RACGAP1: variants seen among roughly 807,000 people sequenced by gnomAD.
RACGAP1 encodes rac GTPase-activating protein 1.
A neutral mutation model predicts 78.1 loss-of-function variants in RACGAP1; 30 were observed. The observed-to-expected ratio is 0.38, with a 90% CI of 0.29 to 0.52. The LOEUF (loss-of-function observed/expected upper bound fraction) is 0.52. Ranked by LOEUF, RACGAP1 falls within the 20% of genes least tolerant of loss-of-function variation. The pLI, the probability that RACGAP1 is intolerant of heterozygous loss-of-function variation, is 0.82. For missense variants in RACGAP1, 587 were observed against 777.1 expected (o/e 0.76, Z 2.91); for synonymous variants, 231 against 264.8 (o/e 0.87, Z 1.24).
chr12:49,996,273 C>T (rs1295588426), intron 10 of RACGAP1, among the ~76,000 whole-genome samples: 1 of 151,724 alleles, frequency 6.6e-6, no homozygotes, highest in African/African-American at 2.4e-5. Context: ...AAAGTTGCAA[C>T]ACTGCAATCC....
chr12:50,009,387 C>G (rs977886663), intron 2 of RACGAP1, among the ~76,000 whole-genome samples: 20 of 151,760 alleles, frequency 1.3e-4, no homozygotes, highest in African/African-American at 4.6e-4. Context: ...TGAGGGTGAT[C>G]TTTGATTTAT....
At chr12:50,011,709 A>T (rs895666698) in intron 2 of RACGAP1, among the ~76,000 whole-genome samples, 1 of 152,066 alleles carries the variant, frequency 6.6e-6, no homozygotes, top group Non-Finnish European at 1.5e-5. Context: ...TAAATCCAGC[A>T]CTTTGGGAGG....
At chr12:50,008,278 A>G (rs1236206020) in intron 2 of RACGAP1, among the ~76,000 whole-genome samples, 1 of 150,994 alleles carries the variant, frequency 6.6e-6, no homozygotes. Context: ...GGCTCACTGC[A>G]ATCTCCGCCT....
chr12:50,011,563 C>T (rs903697369), intron 2 of RACGAP1, among the ~76,000 whole-genome samples: 2 of 151,406 alleles, frequency 1.3e-5, no homozygotes, highest in Non-Finnish European at 2.9e-5. Flanking sequence ...CTTGTCTCTA[C>T]AAAAAATAGA....
intron 1 of RACGAP1, 69 bp downstream of exon 1, chr12:50,025,329 A>C: frequency 1.0e-6 from 1 of 985,580 alleles, no homozygotes; most frequent in East Asian, 1.1e-4. Flanking sequence ...ACGGCTCACC[A>C]CACGAACACT....
chr12:50,016,275 C>T (rs976690199), intron 2 of RACGAP1, among the ~76,000 whole-genome samples: 17 of 151,886 alleles, frequency 1.1e-4, no homozygotes, highest in Non-Finnish European at 2.1e-4. Context: ...CCCTGCTACT[C>T]GAGAGGCTGA....
intron 1 of RACGAP1, among the ~76,000 whole-genome samples, chr12:50,022,842 C>T (rs1950082966): frequency 6.6e-6 from 1 of 152,188 alleles, no homozygotes; most frequent in Non-Finnish European, 1.5e-5. Flanking sequence ...TCACTTACCT[C>T]TGCCTGGAAT....
chr12:49,999,574 A>G, intron 8 of RACGAP1, 42 bp downstream of exon 8: 1 of 1,546,328 alleles, frequency 6.5e-7, no homozygotes, highest in Non-Finnish European at 8.9e-7. Flanking sequence ...AAATTTTGCT[A>G]GTTGTTTTAC....
intron 1 of RACGAP1, among the ~76,000 whole-genome samples, chr12:50,017,444 C>T (rs956600966): frequency 1.3e-5 from 2 of 152,190 alleles, no homozygotes; most frequent in African/African-American, 4.8e-5. Flanking sequence ...CTACTGTGTC[C>T]TGTATAGTGA....
rs1358782083 is a variant in RACGAP1 at position 49,989,837 on chromosome 12, T to C, written c.*431A>G. 1 of 156,796 alleles carries C rather than the reference T, an allele frequency of 6.4e-6. No homozygotes were observed. Among genetic ancestry groups the C allele is most frequent in the East Asian group, 1.8e-4 (1 of 5,434 alleles). 9.7% of individuals were successfully genotyped at this position (156,796 alleles called of 1,614,324 possible). On this transcript the variant is annotated 3_prime_UTR_variant, in exon 17 of 17. Transcript: ENST00000312377. ...TCCTTTCTTTGCCCTGCCCTCCCACTTCCCACCCTGAGACAAGCTAATCTT... is the reference window on the plus strand; with the variant it reads ...TCCTTTCTTTGCCCTGCCCTCCCACCTCCCACCCTGAGACAAGCTAATCTT...
Position 49,990,271 on chromosome 12 carries a change from C to T in RACGAP1, c.1896G>A (p.Lys632=), listed in dbSNP as rs1317506218. The change falls in exon 17 of 17, where the codon AAG becomes AAA. Residue 632 remains lysine, a synonymous_variant. Transcript: ENST00000312377. ...QGNFFASPML[K] is the part of the protein sequence containing the mutation. The stretch of plus-strand genomic sequence containing the variant: ...GAAGTAACAGGCAGATGTGACTTCA[C>T]TTGAGCATTGGAGAAGCAAAAAAGT... The T allele has an allele frequency of 1.2e-6, 2 of 1,612,542 alleles. No homozygotes were observed. Among genetic ancestry groups the T allele is most frequent in the South Asian group, 1.1e-5 (1 of 91,060 alleles).
At chr12:50,025,995 G>T (rs754686708), upstream of RACGAP1, among the ~76,000 whole-genome samples, 6 of 152,152 alleles carry the variant, frequency 3.9e-5, no homozygotes, top group Non-Finnish European at 5.9e-5. Flanking sequence ...AGATGGTATG[G>T]TCTCTACTGT....
At chr12:49,997,877 C>T (rs1263003195) in intron 9 of RACGAP1, among the ~76,000 whole-genome samples, 1 of 152,170 alleles carries the variant, frequency 6.6e-6, no homozygotes, top group Non-Finnish European at 1.5e-5. Context: ...TGTGCCCAGC[C>T]ATAATCAACT....
At chr12:49,991,525 G>T (rs1261033878) in intron 15 of RACGAP1, among the ~76,000 whole-genome samples, 1 of 98,208 alleles carries the variant, frequency 1.0e-5, no homozygotes, top group African/African-American at 3.9e-5. Flanking sequence ...GTCTCACTCT[G>T]TCACCAGGCT....
At chr12:50,014,707 C>T (rs569395309) in intron 2 of RACGAP1, among the ~76,000 whole-genome samples, 5 of 152,298 alleles carry the variant, frequency 3.3e-5, no homozygotes, top group Non-Finnish European at 7.4e-5. Context: ...CAGGAGCATG[C>T]CACCACACTG....
intron 1 of RACGAP1, chr12:50,021,174 T>C: frequency 3.2e-6 from 3 of 952,286 alleles, no homozygotes; most frequent in Non-Finnish European, 3.7e-6. Context: ...AGCTAGGAGA[T>C]ACACTAATGT....
chr12:50,002,610 G>A, intron 5 of RACGAP1: 1 of 242,566 alleles, frequency 4.1e-6, no homozygotes, highest in Admixed American at 4.9e-5. Context: ...GATTATTTTT[G>A]TAATTAGTTT....
At chr12:50,025,590 G>C (rs987699642), upstream of RACGAP1, 90 of 962,024 alleles carry the variant, frequency 9.4e-5, no homozygotes, top group Non-Finnish European at 9.1e-5. Context: ...ACGGGAACGG[G>C]AATGAGCATG....
intron 1 of RACGAP1, among the ~76,000 whole-genome samples, chr12:50,023,990 T>C (rs1476933627): frequency 6.6e-6 from 1 of 150,942 alleles, no homozygotes; most frequent in African/African-American, 2.4e-5. Context: ...TGAAACCCCG[T>C]CTCTACTAAA....
Sources: allele counts gnomAD v4.1 joint callset (sites outside exome capture counted in the v4.1 genomes callset), GRCh38; gene constraint gnomAD v4.1.1; transcripts MANE v1.5; gene names NCBI Gene and HGNC (gene_info 2026-07-23, HGNC 2026-07-21).